The following KCNQ3 variants were observed in gnomAD, a reference collection of about 807,000 sequenced individuals.
KCNQ3 encodes potassium voltage-gated channel subfamily Q member 3, also known as potassium voltage-gated channel subfamily KQT member 3.
KCNQ3 carries 30 observed loss-of-function variants against 92.5 expected under a neutral mutation model. The ratio of observed to expected loss-of-function variants is 0.32; its 90% CI spans 0.24 to 0.44. The LOEUF is 0.44. KCNQ3 is among the 20% of genes least tolerant of loss of function. KCNQ3 has a pLI of 1.00. For synonymous variants in KCNQ3, 450 were observed against 468.8 expected, an observed-to-expected ratio of 0.96 and a Z score of 0.52; for missense variants, 913 against 1,140.3, an observed-to-expected ratio of 0.80 and a Z score of 2.87.
intron 1 of KCNQ3, among the ~76,000 whole-genome samples, chr8:132,419,830 T>C (rs1820917986): frequency 6.6e-6 from 1 of 152,166 alleles, no homozygotes; most frequent in Non-Finnish European, 1.5e-5. Context: ...ATAAGTCCTG[T>C]AATTGAGCCC....
At chr8:132,469,916 T>C (rs1170013808) in intron 1 of KCNQ3, among the ~76,000 whole-genome samples, 1 of 151,902 alleles carries the variant, frequency 6.6e-6, no homozygotes, top group East Asian at 1.9e-4. Flanking sequence ...GGACAAACAG[T>C]AGTACCTTCG....
chr8:132,186,948 GAGAGAGAC>G (rs1159038668), intron 1 of KCNQ3, among the ~76,000 whole-genome samples: 37 of 112,322 alleles, frequency 3.3e-4, no homozygotes, highest in African/African-American at 1.2e-3. Context: ...GAGAGAGAGA[GAGAGAGAC>G]AGAGAGAGAG....
intron 14 of KCNQ3, 81 bp downstream of exon 14, chr8:132,132,099 A>AAG: frequency 9.4e-6 from 9 of 958,640 alleles, no homozygotes; most frequent in Middle Eastern, 2.2e-4. Flanking sequence ...AAAAAAAAAA[A>AAG]GAAAGAAAGA....
At chr8:132,178,118 C>T (rs1242385683) in intron 4 of KCNQ3, among the ~76,000 whole-genome samples, 1 of 152,220 alleles carries the variant, frequency 6.6e-6, no homozygotes, top group Non-Finnish European at 1.5e-5. Flanking sequence ...TAGAGGAACA[C>T]AGGACAAGGG....
intron 1 of KCNQ3, among the ~76,000 whole-genome samples, chr8:132,281,768 G>A (rs903666750): frequency 1.2e-4 from 18 of 152,122 alleles, no homozygotes; most frequent in Non-Finnish European, 4.4e-5. Context: ...TGAGGTTCAT[G>A]TAGACCTTCA....
chr8:132,376,552 C>T (rs942947633), intron 1 of KCNQ3, among the ~76,000 whole-genome samples: 4 of 152,296 alleles, frequency 2.6e-5, no homozygotes, highest in African/African-American at 7.2e-5. Flanking sequence ...GAGAAAAGTG[C>T]CATCCAGCCT....
chr8:132,392,790 C>CAAAAAAAAAAAAAAAAAAAAAAAAAAAA (rs56183412), intron 1 of KCNQ3, among the ~76,000 whole-genome samples: 3 of 72,646 alleles, frequency 4.1e-5, no homozygotes, highest in African/African-American at 1.4e-4. Flanking sequence ...GAACCTGTCT[C>CAAAAAAAAAAAAAAAAAAAAAAAAAAAA]AAAAAAAAAA....
intron 1 of KCNQ3, among the ~76,000 whole-genome samples, chr8:132,218,789 C>G (rs1320827589): frequency 1.3e-5 from 2 of 152,036 alleles, no homozygotes; most frequent in Non-Finnish European, 2.9e-5. Flanking sequence ...TCCAAAAAAG[C>G]TATGATAAAT....
At chr8:132,331,349 T>A (rs1465166598) in intron 1 of KCNQ3, among the ~76,000 whole-genome samples, 1 of 152,142 alleles carries the variant, frequency 6.6e-6, no homozygotes. Flanking sequence ...TCAGTCAGGG[T>A]CTCAGCCTCC....
intron 1 of KCNQ3, among the ~76,000 whole-genome samples, chr8:132,342,915 T>C (rs1360565662): frequency 6.6e-6 from 1 of 152,206 alleles, no homozygotes; most frequent in East Asian, 1.9e-4. Context: ...CCTACTGCAC[T>C]ATAAACACAT....
chr8:132,426,107 C>G (rs1212924630), intron 1 of KCNQ3, among the ~76,000 whole-genome samples: 7 of 152,246 alleles, frequency 4.6e-5, no homozygotes, highest in African/African-American at 1.4e-4. Context: ...GGAAAGATCA[C>G]AGGCTTTGGA....
At chr8:132,215,107 C>G (rs1025491207) in intron 1 of KCNQ3, among the ~76,000 whole-genome samples, 2 of 152,228 alleles carry the variant, frequency 1.3e-5, no homozygotes, top group African/African-American at 4.8e-5. Context: ...GCCATGCACT[C>G]GGGCAGCTTG....
intron 1 of KCNQ3, among the ~76,000 whole-genome samples, chr8:132,344,727 G>C (rs982339453): frequency 2.0e-5 from 3 of 152,164 alleles, no homozygotes; most frequent in African/African-American, 7.2e-5. Flanking sequence ...GGTATAGAAA[G>C]CTGGTGGGGA....
At chr8:132,244,370 GAGAC>G (rs1167956418) in intron 1 of KCNQ3, among the ~76,000 whole-genome samples, 2 of 151,420 alleles carry the variant, frequency 1.3e-5, no homozygotes, top group Non-Finnish European at 2.9e-5. Context: ...AAGAAAAAGA[GAGAC>G]AGAGAGAGAA....
At chr8:132,313,236 A>C (rs1817646462) in intron 1 of KCNQ3, among the ~76,000 whole-genome samples, 1 of 152,262 alleles carries the variant, frequency 6.6e-6, no homozygotes, top group South Asian at 2.1e-4. Flanking sequence ...CTATGAAAAG[A>C]ATGTGCTACA....
At chr8:132,263,421 C>T (rs889386934) in intron 1 of KCNQ3, among the ~76,000 whole-genome samples, 1 of 152,218 alleles carries the variant, frequency 6.6e-6, no homozygotes, top group African/African-American at 2.4e-5. Flanking sequence ...CATTTCTATC[C>T]AGTTCCCTGA....
intron 1 of KCNQ3, among the ~76,000 whole-genome samples, chr8:132,343,921 C>T (rs1008134928): frequency 3.3e-5 from 5 of 150,328 alleles, no homozygotes; most frequent in African/African-American, 1.2e-4. Context: ...AGCCAAGTTA[C>T]TACTCCTTTT....
chr8:132,172,431 C>CACACACACACAG lies in KCNQ3; in HGVS notation c.1140+166_1140+167insCTGTGTGTGTGT, dbSNP rs777793487. Among the ~76,000 whole-genome samples, 293 of 150,780 alleles carry CACACACACACAG rather than the reference C, an allele frequency of 1.9e-3. 2 individuals carry two copies. Among genetic ancestry groups the CACACACACACAG allele is most frequent in the South Asian group, 3.2e-3 (15 of 4,660 alleles). On this transcript the variant is annotated intron_variant, in intron 7 of 14. Coordinates refer to ENST00000388996, the MANE Select transcript of KCNQ3 (RefSeq NM_004519.4). ...ACACACACACACACACACACACACA[C>CACACACACACAG]ACACAGACACACAAGACACACAGAC...
intron 9 of KCNQ3, among the ~76,000 whole-genome samples, chr8:132,151,978 T>C (rs1019537938): frequency 3.6e-4 from 55 of 152,372 alleles, no homozygotes; most frequent in African/African-American, 1.3e-3. Context: ...CTATCATAAT[T>C]AAGGTTATGT....
Sources: gnomAD v4.1 joint callset for allele counts (sites outside exome capture counted in the v4.1 genomes callset) on GRCh38, gnomAD v4.1.1 for gene constraint, MANE v1.5 for transcripts, NCBI Gene and HGNC (gene_info 2026-07-23, HGNC 2026-07-21) for gene names.